Variants in SNAPC4 observed in about 807,000 individuals in gnomAD.
SNAPC4 encodes small nuclear RNA activating complex polypeptide 4.
Under a neutral mutation model 151.3 loss-of-function variants are expected in SNAPC4, and 127 were observed. The observed-to-expected ratio is 0.84, with a 90% CI of 0.73 to 0.97. SNAPC4 has a LOEUF of 0.97. Ranked by LOEUF, SNAPC4 falls within the 50% of genes least tolerant of loss-of-function variation. The pLI, the probability that SNAPC4 is intolerant of heterozygous loss-of-function variation, is 0.00. For synonymous variants in SNAPC4, 1,002 were observed against 824.4 expected (o/e 1.22, Z -3.69); for missense variants, 2,186 against 1,935.0 (o/e 1.13, Z -2.43).
intron 5 of SNAPC4, among the ~76,000 whole-genome samples, 194 bp from the exon 6 acceptor site, chr9:136,395,072 C>A (rs1460226618): frequency 6.6e-6 from 1 of 152,252 alleles, no homozygotes; most frequent in African/African-American, 2.4e-5. Context: ...ACAGACAACA[C>A]TGGCACCTCC....
chr9:136,379,507 T>A (rs531052154), intron 21 of SNAPC4, among the ~76,000 whole-genome samples: 1 of 152,210 alleles, frequency 6.6e-6, no homozygotes, highest in Admixed American at 6.5e-5. Context: ...CAGTGGGCAC[T>A]CTGGGAAACC....
At chr9:136,380,028 G>A (rs1833630341) in intron 20 of SNAPC4, among the ~76,000 whole-genome samples, 164 bp from the exon 21 acceptor site, 1 of 152,200 alleles carries the variant, frequency 6.6e-6, no homozygotes, top group Non-Finnish European at 1.5e-5. Flanking sequence ...CGGGGCCACA[G>A]AAGGAGCCAA....
rs1458786745 is a variant in SNAPC4 at position 136,383,026 on chromosome 9, G to C, written c.1983+160C>G. 6.6e-6 allele frequency among the ~76,000 whole-genome samples: 1 copy of C among 152,232 alleles called. No homozygotes were observed. On this transcript the variant is annotated intron_variant, in intron 16 of 23. Transcript: ENST00000684778. The surrounding 1 kb of genome is among the most constrained non-coding windows in gnomAD (Gnocchi z 4.2). ...AGGAAAAATGGAGGCTTCCCCAACA[G>C]TCCCCCCGACGCACAGCTGTCCAGA...
At chr9:136,376,562 G>A (rs1833455159) in intron 22 of SNAPC4, 81 bp from the exon 23 acceptor site, 2 of 1,543,922 alleles carry the variant, frequency 1.3e-6, no homozygotes, top group South Asian at 1.1e-5. Context: ...AGTGAGGAGG[G>A]GCCCTGTGGG....
Position 136,378,247 on chromosome 9 carries a change from CA to C in SNAPC4, c.3579del (p.Asp1194ThrfsTer213). On this transcript the variant is annotated frameshift_variant, in exon 22 of 24. Transcript: ENST00000684778. LOFTEE classifies it high-confidence loss of function. ...CAAGGGGGTTCTGCTTCAGGAGGGT[CA>C]GCGTGGGAGGACGTCCTGGGCTCAG... ...EIPEPRTSSHADPPEAEPPWS... is the reference protein window; with the variant it reads ...EIPEPRTSSHXDPPEAEPPWS... 1 of 1,609,852 alleles carries C rather than the reference CA, an allele frequency of 6.2e-7. No individual in the cohort carries two copies. Among genetic ancestry groups the C allele is most frequent in the Non-Finnish European group, 8.5e-7 (1 of 1,178,742 alleles).
chr9:136,387,455 C>T, intron 13 of SNAPC4, 30 bp downstream of exon 13: 6 of 1,501,230 alleles, frequency 4.0e-6, no homozygotes, highest in Non-Finnish European at 5.6e-6. Context: ...CCACACGGGC[C>T]CCTCCCTCGC....
In SNAPC4 at chr9:136,380,774, G is replaced by A. The variant is rs781035769; in HGVS notation, c.2465C>T (p.Ala822Val). 1.2e-6 allele frequency: 2 copies of A among 1,610,938 alleles called. No homozygotes were observed. Residue 822 changes from alanine to valine, a missense_variant, in exon 20 of 24, where the codon GCT becomes GTT. Physicochemically the swap from Ala to Val is moderately conservative, Grantham distance 64. Transcript: ENST00000684778. Reference sequence around the variant, plus strand: ...ATGAACTGGTGGGTCCCGAGCACCAGCCTGGGGCAGCCTGGGTGGCAGGGC... The same window carrying A: ...ATGAACTGGTGGGTCCCGAGCACCAACCTGGGGCAGCCTGGGTGGCAGGGC... ...RKALPPRLPQ[A>V]GARDPPVHLL... is the part of the protein sequence containing the mutation.
In SNAPC4 at chr9:136,381,861, T is replaced by A. The variant is rs750053069; in HGVS notation, c.2280A>T (p.Thr760=). The A allele has an allele frequency of 6.2e-7, 1 of 1,612,480 alleles. No individual in the cohort carries two copies. The highest frequency in any genetic ancestry group is 1.3e-5 in the African/African-American group (1 of 74,926). The change falls in exon 18 of 24, where the codon ACA becomes ACT. Residue 760 remains threonine (T), a synonymous_variant. Transcript: ENST00000684778. ...CTACGGCGGGTCTCTGGGAAGCCTG[T>A]GTGCAGGGCACGACAACGTCCCCTA... ...PWVGDVVVPC[T]QASQRPAVVQ...
In SNAPC4 at chr9:136,378,670, G is replaced by A. The variant is rs753631791; in HGVS notation, c.3157C>T (p.Leu1053=). The part of the protein sequence containing the change: ...FLPAAPSPTP[L]PVQPLSLTHI... Reference sequence around the variant, plus strand: ...GTCAGGCTGAGGGGCTGGACGGGCAGTGGGGTGGGGCTGGGGGCTGCGGGG... The same window carrying A: ...GTCAGGCTGAGGGGCTGGACGGGCAATGGGGTGGGGCTGGGGGCTGCGGGG... The change falls in exon 22 of 24, where the codon CTG becomes TTG. Residue 1053 remains leucine, a synonymous_variant. Coordinates refer to ENST00000684778, the MANE Select transcript of SNAPC4 (RefSeq NM_003086.4). 4.0e-6 allele frequency: 6 copies of A among 1,507,894 alleles called. No individual in the cohort carries two copies. Among genetic ancestry groups the A allele is most frequent in the Non-Finnish European group, 3.5e-6 (4 of 1,129,754 alleles). 93.4% of individuals were successfully genotyped at this position (1,507,894 alleles called of 1,614,324 possible).
At position 136,383,140 on chromosome 9, in the gene SNAPC4, G is replaced by A; in HGVS notation, c.1983+46C>T. On this transcript the variant is annotated intron_variant, in intron 16 of 23. Coordinates refer to ENST00000684778, the MANE Select transcript of SNAPC4 (RefSeq NM_003086.4). This position sits in a 1 kb window ranked among gnomAD's most constrained non-coding sequence, Gnocchi z 4.2. Reference sequence around the variant, plus strand: ...CCCAAGCGTCAGCCCTGGCGAGCGAGTGCCGAAAGTGCACTTCCCGTGGTA... The same window carrying A: ...CCCAAGCGTCAGCCCTGGCGAGCGAATGCCGAAAGTGCACTTCCCGTGGTA... 1 of 1,508,322 alleles carries A rather than the reference G, an allele frequency of 6.6e-7. No individual in the cohort carries two copies. Among genetic ancestry groups the A allele is most frequent in the South Asian group, 1.3e-5 (1 of 74,814 alleles). The allele number at this position is 1,508,322 out of a possible 1,614,324, so 93.4% of individuals were successfully genotyped here.
chr9:136,377,969 C>T lies in SNAPC4; in HGVS notation c.3858G>A (p.Leu1286=). 6.2e-7 allele frequency: 1 copy of T among 1,602,512 alleles called. No homozygotes were observed. Among genetic ancestry groups the T allele is most frequent in the Admixed American group, 1.7e-5 (1 of 59,648 alleles). The part of the protein sequence containing the change: ...QEGEAATQQW[L]GGQRGVRVPL... ...GCACACGCACCCCCCGCTGGCCCCC[C>T]AGCCACTGCTGTGTGGCCGCCTCGC... Residue 1286 remains leucine (L), a synonymous_variant, in exon 22 of 24, where the codon CTG becomes CTA. Transcript: ENST00000684778.
intron 12 of SNAPC4, 58 bp from the exon 13 acceptor site, chr9:136,387,637 C>A: frequency 7.0e-7 from 1 of 1,435,428 alleles, no homozygotes. Flanking sequence ...GCAGCCTCCC[C>A]ACCCTGAACC....
chr9:136,388,399 G>A, intron 11 of SNAPC4, 45 bp downstream of exon 11: 1 of 1,595,934 alleles, frequency 6.3e-7, no homozygotes, highest in Middle Eastern at 1.7e-4. Context: ...TCCTGATATG[G>A]GGCCCTGTGA....
chr9:136,378,567 G>C lies in SNAPC4; in HGVS notation c.3260C>G (p.Pro1087Arg). Residue 1087 changes from proline (P) to arginine (R), a missense_variant, in exon 22 of 24, where the codon CCT becomes CGT. Pro to Arg is a moderately radical substitution (Grantham distance 103). Transcript: ENST00000684778. Reference protein sequence around the residue: ...TWVLTAQGLLPVPVPAVVSLP... With the variant: ...TWVLTAQGLLRVPVPAVVSLP... Reference sequence around the variant, plus strand: ...GCTCACCACAGCTGGTACAGGAACAGGGAGAAGCCCCTGGGCTGTGAGCAC... The same window carrying C: ...GCTCACCACAGCTGGTACAGGAACACGGAGAAGCCCCTGGGCTGTGAGCAC... The C allele has an allele frequency of 6.3e-7, 1 of 1,591,892 alleles. No individual in the cohort carries two copies. The highest frequency in any genetic ancestry group is 8.5e-7 in the Non-Finnish European group (1 of 1,172,584).
intron 1 of SNAPC4, 86 bp from the exon 2 acceptor site, chr9:136,398,523 A>T (rs1834351545): frequency 5.3e-6 from 8 of 1,500,682 alleles, no homozygotes; most frequent in Non-Finnish European, 6.4e-6. Context: ...CCCATGGGGG[A>T]TGGCAGGAGC....
intron 18 of SNAPC4, 105 bp downstream of exon 18, chr9:136,381,719 C>A (rs1833699255): frequency 1.4e-6 from 2 of 1,433,506 alleles, no homozygotes; most frequent in South Asian, 2.6e-5. Flanking sequence ...AAAGACTCCC[C>A]TGCTGAGGCC....
Position 136,381,228 on chromosome 9 carries a change from AGACT to A in SNAPC4, c.2388+90_2388+93del, listed in dbSNP as rs1833678815. 7.1e-6 allele frequency: 7 copies of A among 985,406 alleles called. No homozygotes were observed. In the South Asian group the frequency reaches 9.5e-5, roughly 13 times the overall value. The allele number at this position is 985,406 out of a possible 1,614,324, so 61.0% of individuals were successfully genotyped here. A position where few individuals can be genotyped will look rare whatever the true frequency, so the allele number is the denominator to read the frequency against. On this transcript the variant is annotated intron_variant, in intron 19 of 23. Coordinates refer to ENST00000684778, the MANE Select transcript of SNAPC4 (RefSeq NM_003086.4). ...CAAGGCTAGAAAACTTTAGATAGCTAGACTTTAAGGAATGAATCTACTGCAGATT... is the reference window on the plus strand; with the variant it reads ...CAAGGCTAGAAAACTTTAGATAGCTATTAAGGAATGAATCTACTGCAGATT...
intron 7 of SNAPC4, 69 bp from the exon 8 acceptor site, chr9:136,392,846 ATT>A: frequency 8.0e-7 from 1 of 1,247,560 alleles, no homozygotes; most frequent in Non-Finnish European, 1.2e-6. Flanking sequence ...TTCTCTGCAC[ATT>A]ACAGGGCAAG....
chr9:136,388,292 TGA>T, intron 11 of SNAPC4, 150 bp downstream of exon 11: 2 of 659,838 alleles, frequency 3.0e-6, no homozygotes, highest in Non-Finnish European at 2.4e-6. Context: ...AAAAGTCACT[TGA>T]GTCACCAAGA....
Sources: allele counts gnomAD v4.1 joint callset (sites outside exome capture counted in the v4.1 genomes callset), GRCh38; gene constraint gnomAD v4.1.1; non-coding constraint Gnocchi (gnomAD v3.1); transcripts MANE v1.5; gene names NCBI Gene and HGNC (gene_info 2026-07-23, HGNC 2026-07-21).